JAM2: variants seen among roughly 807,000 people sequenced by gnomAD.
The protein encoded by JAM2 is junctional adhesion molecule 2.
Under a neutral mutation model 42.0 loss-of-function variants are expected in JAM2, and 17 were observed. That is an observed-to-expected ratio of 0.40 (90% CI 0.28 to 0.61). The LOEUF (loss-of-function observed/expected upper bound fraction) is 0.61. Ranked by LOEUF, JAM2 falls within the 20% of genes least tolerant of loss-of-function variation. The pLI, the probability that JAM2 is intolerant of heterozygous loss-of-function variation, is 0.37. For missense variants in JAM2, 319 were observed against 358.3 expected (o/e 0.89, Z 0.89); for synonymous variants, 118 against 128.6 (o/e 0.92, Z 0.56).
chr21:25,713,484 C>A (rs1039409374), intron 9 of JAM2, among the ~76,000 whole-genome samples: 5 of 126,428 alleles, frequency 4.0e-5, no homozygotes, highest in African/African-American at 1.5e-4. Context: ...TCTTGAGAAA[C>A]AAAGCATGGG....
At chr21:25,693,194 C>T (rs1417085108) in intron 3 of JAM2, among the ~76,000 whole-genome samples, 1 of 151,614 alleles carries the variant, frequency 6.6e-6, no homozygotes, top group East Asian at 1.9e-4. Flanking sequence ...AAAAAGTTAG[C>T]CAGTAAACTA....
chr21:25,677,802 A>G (rs966867392), intron 1 of JAM2, among the ~76,000 whole-genome samples: 5 of 152,256 alleles, frequency 3.3e-5, no homozygotes, highest in African/African-American at 4.8e-5. Context: ...AGAAATCACA[A>G]GAATTGTCAG....
chr21:25,712,513 T>C lies in JAM2; in HGVS notation c.864+131T>C, dbSNP rs544122342. ...TGCACCAGTGTCTATCACTGGTGTT[T>C]AAAAGGAGCTAAGTAGATGTTAGCT... On this transcript the variant is annotated intron_variant, in intron 9 of 9. Coordinates refer to ENST00000480456, the MANE Select transcript of JAM2 (RefSeq NM_021219.4). The C allele has an allele frequency of 1.8e-4, 114 of 621,482 alleles. No individual in the cohort carries two copies. The African/African-American group carries it at 1.9e-3, about 10-fold the overall frequency. 38.5% of individuals were successfully genotyped at this position (621,482 alleles called of 1,614,324 possible).
intron 1 of JAM2, among the ~76,000 whole-genome samples, chr21:25,672,228 G>A (rs2033379012): frequency 6.6e-6 from 1 of 152,014 alleles, no homozygotes; most frequent in African/African-American, 2.4e-5. Context: ...GGGATTACAG[G>A]TGCATGCCAC....
At chr21:25,663,051 CA>C (rs2033130684) in intron 1 of JAM2, among the ~76,000 whole-genome samples, 1 of 152,284 alleles carries the variant, frequency 6.6e-6, no homozygotes, top group African/African-American at 2.4e-5. Context: ...ACAGTTAAGT[CA>C]GGTGTTAAAT....
chr21:25,639,297 G>T lies in JAM2; in HGVS notation c.-525G>T. 1 of 153,114 alleles carries T rather than the reference G, an allele frequency of 6.5e-6. No individual in the cohort carries two copies. 9.5% of individuals were successfully genotyped at this position (153,114 alleles called of 1,614,324 possible). A position where few individuals can be genotyped will look rare whatever the true frequency, so the allele number is the denominator to read the frequency against. On this transcript the variant is annotated 5_prime_UTR_variant, in exon 1 of 10. Transcript: ENST00000480456. ...AGCCAACGAGGGGAAGAAAGGAGTT[G>T]GGGCAAAACAGGAGGCGTTTCCCTA...
At chr21:25,706,932 G>T (rs1460970041) in intron 7 of JAM2, among the ~76,000 whole-genome samples, 1 of 151,884 alleles carries the variant, frequency 6.6e-6, no homozygotes. Context: ...TAGAGACGGG[G>T]TTTCATCGTG....
intron 1 of JAM2, among the ~76,000 whole-genome samples, 154 bp from the exon 2 acceptor site, chr21:25,683,729 T>C (rs1271068382): frequency 2.0e-5 from 3 of 152,218 alleles, no homozygotes; most frequent in Admixed American, 2.0e-4. Context: ...TCATTTGCTT[T>C]TTCCTATTTT....
At position 25,714,782 on chromosome 21, in the gene JAM2, ATTGG is replaced by A; in HGVS notation, c.*112_*115del. ...GCAAAGAGGTACACGAGGAAATGGA[ATTGG>A]TATTTCATTTTAATTTTCATGACTA... On this transcript the variant is annotated 3_prime_UTR_variant, in exon 10 of 10. Transcript: ENST00000480456. The A allele has an allele frequency of 2.9e-6, 2 of 689,058 alleles. No homozygotes were observed. The highest frequency in any genetic ancestry group is 4.7e-6 in the Non-Finnish European group (2 of 427,494). The allele number at this position is 689,058 out of a possible 1,614,324, so 42.7% of individuals were successfully genotyped here. A position where few individuals can be genotyped will look rare whatever the true frequency, so the allele number is the denominator to read the frequency against.
At chr21:25,661,003 C>A (rs1044593264) in intron 1 of JAM2, among the ~76,000 whole-genome samples, 4 of 150,948 alleles carry the variant, frequency 2.6e-5, no homozygotes, top group Non-Finnish European at 5.9e-5. Flanking sequence ...ACCATGTTGG[C>A]CAGCCTGGAA....
intron 8 of JAM2, chr21:25,711,535 C>T (rs1371506472): frequency 5.1e-6 from 2 of 392,424 alleles, no homozygotes; most frequent in African/African-American, 4.2e-5. Context: ...TTCCTGTTCC[C>T]AGATTTCTGG....
intron 6 of JAM2, among the ~76,000 whole-genome samples, chr21:25,703,122 G>C (rs1203759012): frequency 6.6e-6 from 1 of 152,160 alleles, no homozygotes. Flanking sequence ...AAAGTGCTGG[G>C]ATTACAGGTG....
chr21:25,682,181 C>G (rs2033648798), intron 1 of JAM2, among the ~76,000 whole-genome samples: 1 of 152,192 alleles, frequency 6.6e-6, no homozygotes, highest in African/African-American at 2.4e-5. Context: ...TAACAGGCGA[C>G]AGACTTGCAC....
chr21:25,697,258 T>A (rs1601051465), intron 4 of JAM2, among the ~76,000 whole-genome samples: 1 of 146,020 alleles, frequency 6.8e-6, no homozygotes, highest in African/African-American at 2.8e-5. Flanking sequence ...TCATCCTATC[T>A]TAGAGACAAT....
intron 3 of JAM2, chr21:25,692,258 TG>T: frequency 6.4e-6 from 1 of 157,114 alleles, no homozygotes. Flanking sequence ...AAGGAAAAGT[TG>T]ATGACTCTTT....
chr21:25,675,671 A>C (rs2123355324), intron 1 of JAM2, among the ~76,000 whole-genome samples: 1 of 152,104 alleles, frequency 6.6e-6, no homozygotes, highest in Middle Eastern at 3.4e-3. Flanking sequence ...CACACTTTTA[A>C]ACAACCAGAT....
chr21:25,714,199 A>G, intron 9 of JAM2: 2 of 1,302,622 alleles, frequency 1.5e-6, no homozygotes, highest in Non-Finnish European at 2.0e-6. Context: ...CCATAAAACA[A>G]GTTTAATTAA....
At chr21:25,714,491 C>T (rs1337281875) in intron 9 of JAM2, 149 bp from the exon 10 acceptor site, 3 of 608,632 alleles carry the variant, frequency 4.9e-6, no homozygotes. Context: ...GAGCAAGATT[C>T]CATCTCAAAA....
intron 1 of JAM2, among the ~76,000 whole-genome samples, chr21:25,653,307 C>T (rs1201297402): frequency 2.0e-5 from 3 of 152,118 alleles, no homozygotes; most frequent in African/African-American, 7.2e-5. Context: ...TACCATTCCA[C>T]ACTAACAATG....
Sources: gnomAD v4.1 joint callset for allele counts (sites outside exome capture counted in the v4.1 genomes callset) on GRCh38, gnomAD v4.1.1 for gene constraint, MANE v1.5 for transcripts, NCBI Gene and HGNC (gene_info 2026-07-23, HGNC 2026-07-21) for gene names.